PRKCH: variants seen among roughly 807,000 people sequenced by gnomAD.
The protein encoded by PRKCH is protein kinase C eta.
In PRKCH, 28 loss-of-function variants were observed where a neutral mutation model predicts 82.5. That is an observed-to-expected ratio of 0.34 (90% CI 0.25 to 0.47). The LOEUF is 0.47. Among genes scored for constraint, PRKCH ranks in the 20% least tolerant of loss-of-function variants. The pLI is 1.00. For missense variants in PRKCH, 705 were observed against 881.8 expected (o/e 0.80, Z 2.54); for synonymous variants, 322 against 327.4 (o/e 0.98, Z 0.18).
At chr14:61,347,893 A>G (rs2140144636) in intron 1 of PRKCH, 1 of 152,978 alleles carries the variant, frequency 6.5e-6, no homozygotes, top group Non-Finnish European at 1.5e-5. Context: ...ACGGAATTAA[A>G]TAGCACTTTA....
At chr14:61,516,506 A>G (rs1041018355) in intron 10 of PRKCH, among the ~76,000 whole-genome samples, 1 of 152,248 alleles carries the variant, frequency 6.6e-6, no homozygotes, top group African/African-American at 2.4e-5. Context: ...ACACAAAATT[A>G]GAAACATTCT....
In PRKCH at chr14:61,510,982, G is replaced by A. The variant is rs539205343; in HGVS notation, c.1434-18093G>A. Among the ~76,000 whole-genome samples the A allele has an allele frequency of 1.1e-4, 16 of 152,234 alleles. No homozygotes were observed. In the South Asian group the frequency reaches 3.3e-3, roughly 32 times the overall value. ...TTAGGGAACCAGCTATCCTATAAGG[G>A]AGGGTGGAGGAGGAGGAGCCTCCGG... is the stretch of plus-strand genomic sequence containing the variant. On this transcript the variant is annotated intron_variant, in intron 10 of 13. Transcript: ENST00000332981.
At chr14:61,473,980 C>G (rs1184146235) in intron 9 of PRKCH, among the ~76,000 whole-genome samples, 2 of 146,024 alleles carry the variant, frequency 1.4e-5, no homozygotes, top group Non-Finnish European at 3.0e-5. Context: ...GGCAACAGAG[C>G]GAGACTCTGT....
At position 61,442,355 on chromosome 14, in the gene PRKCH, A is replaced by G. The variant is rs144115000; in HGVS notation, c.428-756A>G. On this transcript the variant is annotated intron_variant, in intron 2 of 13. Coordinates refer to ENST00000332981, the MANE Select transcript of PRKCH (RefSeq NM_006255.5). ...GGTTAACAGAGGTGATCCTGTACCA[A>G]TGGGTTTTGGACAGAGCTCTCATAG... Among the ~76,000 whole-genome samples the G allele has an allele frequency of 1.9e-3, 291 of 152,290 alleles. 2 individuals carry two copies. The highest frequency in any genetic ancestry group is 6.7e-3 in the African/African-American group (278 of 41,542).
intron 10 of PRKCH, among the ~76,000 whole-genome samples, chr14:61,496,696 C>T (rs1273754507): frequency 6.6e-6 from 1 of 152,178 alleles, no homozygotes; most frequent in Non-Finnish European, 1.5e-5. Flanking sequence ...CCAAGCCCAG[C>T]CCCTAGGACA....
chr14:61,475,321 A>G (rs1885681281), intron 9 of PRKCH, among the ~76,000 whole-genome samples: 1 of 152,260 alleles, frequency 6.6e-6, no homozygotes, highest in African/African-American at 2.4e-5. Context: ...TTTAAAAAGT[A>G]GATAATCATC....
chr14:61,423,798 G>A (rs960041625), intron 2 of PRKCH, among the ~76,000 whole-genome samples: 6 of 152,242 alleles, frequency 3.9e-5, no homozygotes, highest in Middle Eastern at 3.4e-3. Context: ...TGTTGTCCTC[G>A]ACCCCAGATC....
intron 1 of PRKCH, among the ~76,000 whole-genome samples, chr14:61,352,180 G>A (rs2140149731): frequency 6.6e-6 from 1 of 152,224 alleles, no homozygotes; most frequent in African/African-American, 2.4e-5. Flanking sequence ...AATCACCAAG[G>A]TCTTTTCCAC....
At chr14:61,361,782 G>A (rs149267531) in intron 1 of PRKCH, among the ~76,000 whole-genome samples, 243 of 152,310 alleles carry the variant, frequency 1.6e-3, no homozygotes, top group African/African-American at 5.4e-3. Flanking sequence ...AAGGTAAGCT[G>A]ACTCATTTTC....
intron 1 of PRKCH, among the ~76,000 whole-genome samples, chr14:61,215,812 G>A (rs2044612094): frequency 6.6e-6 from 1 of 152,150 alleles, no homozygotes; most frequent in South Asian, 2.1e-4. Flanking sequence ...TTAGAAGTAT[G>A]TGCCAAAGCT....
intron 2 of PRKCH, among the ~76,000 whole-genome samples, chr14:61,394,902 G>A (rs2046749918): frequency 6.6e-6 from 1 of 152,152 alleles, no homozygotes; most frequent in African/African-American, 2.4e-5. Context: ...AAGAAGCCCA[G>A]TGGTCCCTGT....
At chr14:61,455,646 G>A (rs1361637366) in intron 7 of PRKCH, among the ~76,000 whole-genome samples, 2 of 152,190 alleles carry the variant, frequency 1.3e-5, no homozygotes, top group African/African-American at 2.4e-5. Flanking sequence ...ATGGGAATAA[G>A]ATAAGAATAG....
chr14:61,466,522 G>A (rs1043908688), intron 9 of PRKCH, among the ~76,000 whole-genome samples: 1 of 152,094 alleles, frequency 6.6e-6, no homozygotes, highest in Non-Finnish European at 1.5e-5. Context: ...GGATGGAGGG[G>A]GGCTATCACA....
chr14:61,398,834 A>T (rs1279736781), intron 2 of PRKCH, among the ~76,000 whole-genome samples: 2 of 152,158 alleles, frequency 1.3e-5, no homozygotes, highest in African/African-American at 4.8e-5. Flanking sequence ...AGGAAAGAGA[A>T]CCAAAGTAAC....
chr14:61,467,312 T>A (rs2140307265), intron 9 of PRKCH, among the ~76,000 whole-genome samples: 1 of 152,346 alleles, frequency 6.6e-6, no homozygotes, highest in South Asian at 2.1e-4. Context: ...TCTGGACCTG[T>A]TGGCCAACGT....
chr14:61,405,227 T>A (rs1881874170), intron 2 of PRKCH, among the ~76,000 whole-genome samples: 1 of 152,250 alleles, frequency 6.6e-6, no homozygotes, highest in African/African-American at 2.4e-5. Context: ...TCAAATTGAC[T>A]GTCTGGAAAT....
chr14:61,264,046 G>C lies in PRKCH; in HGVS notation c.-19+76378G>C, dbSNP rs559993623. Among the ~76,000 whole-genome samples the C allele has an allele frequency of 9.2e-5, 14 of 152,102 alleles. No homozygotes were observed. The South Asian group carries it at 2.9e-3, about 32-fold the overall frequency. On this transcript the variant is annotated intron_variant, in intron 1 of 3. Coordinates refer to the PRKCH transcript ENST00000555185. The stretch of plus-strand genomic sequence containing the variant: ...TGCACCTTATAACTGTATACCAGAG[G>C]CCGTGGAAACTGGATCGCCCTCTCA...
intron 9 of PRKCH, among the ~76,000 whole-genome samples, chr14:61,479,759 AG>A (rs1885884801): frequency 6.6e-6 from 1 of 152,208 alleles, no homozygotes; most frequent in African/African-American, 2.4e-5. Context: ...ACTGATAGCC[AG>A]GGCAGAGAGT....
intron 1 of PRKCH, among the ~76,000 whole-genome samples, chr14:61,268,558 C>T (rs1244356876): frequency 6.6e-6 from 1 of 152,052 alleles, no homozygotes; most frequent in Non-Finnish European, 1.5e-5. Context: ...GTCCCAGCTA[C>T]TTGGGAGACT....
Sources: gnomAD v4.1 joint callset for allele counts (sites outside exome capture counted in the v4.1 genomes callset) on GRCh38, gnomAD v4.1.1 for gene constraint, MANE v1.5 for transcripts, NCBI Gene and HGNC (gene_info 2026-07-23, HGNC 2026-07-21) for gene names.